Variants in HSPD1 observed in about 807,000 individuals in gnomAD.
HSPD1 encodes heat shock protein family D (Hsp60) member 1, also known as 60 kDa heat shock protein, mitochondrial.
Under a neutral mutation model 53.0 loss-of-function variants are expected in HSPD1, and 3 were observed. That is an observed-to-expected ratio of 0.06 (90% confidence interval 0.03 to 0.15). HSPD1 has a LOEUF of 0.15. Among genes scored for constraint, HSPD1 ranks in the 10% least tolerant of loss-of-function variants. The pLI, the probability that HSPD1 is intolerant of heterozygous loss-of-function variation, is 1.00. For synonymous variants in HSPD1, 200 were observed against 228.0 expected, an observed-to-expected ratio of 0.88 and a Z score of 1.10; for missense variants, 431 against 694.1, an observed-to-expected ratio of 0.62 and a Z score of 4.26.
At position 197,487,138 on chromosome 2, in the gene HSPD1, C is replaced by G. The variant is rs755339378; in HGVS notation, c.1630G>C (p.Val544Leu). ...TCTTTAGGAATTTCTGTGACTACAA[C>G]TTCTGCTGTAGTTAACAGAGAGGCC... The part of the protein sequence containing the change: ...GVASLLTTAE[V>L]VVTEIPKEEK... Residue 544 changes from valine (V) to leucine (L), a missense_variant, in exon 12 of 12, where the codon GTT (valine) becomes CTT (leucine). By Grantham distance (32) the Val-to-Leu change is conservative (BLOSUM62 1). Around this residue, in one of 2 missense-constraint regions of HSPD1, gnomAD observed 386 missense variants for 657.6 expected, o/e 0.59. Coordinates refer to ENST00000388968, the MANE Select transcript of HSPD1 (RefSeq NM_002156.5). 6.2e-7 allele frequency: 1 copy of G among 1,604,010 alleles called. No homozygotes were observed. The highest frequency in any genetic ancestry group is 8.5e-7 in the Non-Finnish European group (1 of 1,170,970).
rs768371703 is a variant in HSPD1, at chr2:197,487,218, A to G, written c.1570-20T>C. 50 of 1,609,822 alleles carry G rather than the reference A, an allele frequency of 3.1e-5. No individual in the cohort carries two copies. The highest frequency in any genetic ancestry group is 4.1e-5 in the Non-Finnish European group (48 of 1,176,346). On this transcript the variant is annotated intron_variant, in intron 11 of 11. Coordinates refer to ENST00000388968, the MANE Select transcript of HSPD1 (RefSeq NM_002156.5). The stretch of plus-strand genomic sequence containing the variant: ...CACAACCTAGAAAAAAATTTAATTA[A>G]TTAGTTTTCCCTTAGTAAAATATGA...
At chr2:197,492,709 TA>T (rs2086109499) in intron 7 of HSPD1, among the ~76,000 whole-genome samples, 1 of 145,260 alleles carries the variant, frequency 6.9e-6, no homozygotes, top group African/African-American at 2.6e-5. Context: ...AAAATAAAAA[TA>T]AAAAATAAAA....
intron 3 of HSPD1, chr2:197,496,805 G>A (rs1000601756): frequency 8.5e-6 from 3 of 354,042 alleles, no homozygotes; most frequent in East Asian, 6.6e-5. Flanking sequence ...ATGGTGGTGA[G>A]TGCCTGTAGT....
chr2:197,487,301 C>A, intron 11 of HSPD1, 103 bp from the exon 12 acceptor site: 1 of 1,006,582 alleles, frequency 9.9e-7, no homozygotes. Flanking sequence ...TAATCCAGCA[C>A]TTTGGGAGGC....
intron 8 of HSPD1, 77 bp from the exon 9 acceptor site, chr2:197,489,324 C>A: frequency 7.3e-7 from 1 of 1,374,270 alleles, no homozygotes; most frequent in Non-Finnish European, 1.0e-6. Flanking sequence ...ATACACCATG[C>A]AAGAGAATCA....
At chr2:197,488,965 A>G in intron 9 of HSPD1, 37 bp downstream of exon 9, 1 of 1,609,786 alleles carries the variant, frequency 6.2e-7, no homozygotes, top group Non-Finnish European at 8.5e-7. Context: ...TCTTGGACTC[A>G]GAACCCAAGA....
intron 7 of HSPD1, among the ~76,000 whole-genome samples, chr2:197,491,816 T>C (rs2086096219): frequency 1.3e-5 from 2 of 152,226 alleles, no homozygotes; most frequent in African/African-American, 4.8e-5. Flanking sequence ...TACTTCAGAC[T>C]ATTTAGTAAA....
intron 3 of HSPD1, among the ~76,000 whole-genome samples, chr2:197,496,053 C>A (rs1459452352): frequency 2.0e-5 from 3 of 152,272 alleles, no homozygotes; most frequent in African/African-American, 7.2e-5. Flanking sequence ...GGCTAACACT[C>A]CCTTATTTTC....
At chr2:197,489,291 C>T (rs199877481) in intron 8 of HSPD1, 44 bp from the exon 9 acceptor site, 106 of 1,607,276 alleles carry the variant, frequency 6.6e-5, no homozygotes, top group Middle Eastern at 1.6e-4. Flanking sequence ...GTTACAGTTT[C>T]TGCCATTATA....
upstream of HSPD1, chr2:197,499,997 A>T: frequency 6.4e-6 from 1 of 156,206 alleles, no homozygotes. Context: ...GCCCCTCCCT[A>T]CCCGCGCAGG....
rs376512780 is a variant in HSPD1, at chr2:197,488,502, A to G, written c.1216-11T>C. 25 of 1,612,206 alleles carry G rather than the reference A, an allele frequency of 1.6e-5. No individual in the cohort carries two copies. In the African/African-American group the frequency reaches 3.1e-4, roughly 20 times the overall value. ...ACTTGTCCCACCAACCTAAAGACGAAAAGAATTCCAGTTAGTATGGCCTCT... is the reference window on the plus strand; with the variant it reads ...ACTTGTCCCACCAACCTAAAGACGAGAAGAATTCCAGTTAGTATGGCCTCT... On this transcript the variant is annotated splice_polypyrimidine_tract_variant and intron_variant, in intron 9 of 11. Coordinates refer to ENST00000388968, the MANE Select transcript of HSPD1 (RefSeq NM_002156.5).
At chr2:197,491,730 G>A (rs967287087) in intron 7 of HSPD1, among the ~76,000 whole-genome samples, 1 of 152,180 alleles carries the variant, frequency 6.6e-6, no homozygotes, top group Non-Finnish European at 1.5e-5. Context: ...TAAACTAATA[G>A]TAAACTATAG....
At chr2:197,490,346 C>T in intron 7 of HSPD1, 50 bp from the exon 8 acceptor site, 1 of 1,341,828 alleles carries the variant, frequency 7.5e-7, no homozygotes, top group East Asian at 2.3e-5. Context: ...AAATGCCTAT[C>T]TGTTTAATTC....
At chr2:197,487,514 C>CAG (rs2086041002) in intron 11 of HSPD1, among the ~76,000 whole-genome samples, 1 of 152,226 alleles carries the variant, frequency 6.6e-6, no homozygotes, top group Admixed American at 6.5e-5. Context: ...GCCTGGGCGA[C>CAG]ACAGCGACTC....
intron 8 of HSPD1, 25 bp downstream of exon 8, chr2:197,490,172 C>A: frequency 6.9e-7 from 1 of 1,450,360 alleles, no homozygotes; most frequent in Non-Finnish European, 9.7e-7. Context: ...ATTCAGCAAA[C>A]CATTATCACA....
intron 7 of HSPD1, among the ~76,000 whole-genome samples, chr2:197,491,874 C>T (rs944859315): frequency 6.6e-6 from 1 of 152,198 alleles, no homozygotes; most frequent in African/African-American, 2.4e-5. Flanking sequence ...GGTAGTGGCT[C>T]ATGCCTGTAA....
Position 197,486,657 on chromosome 2 carries a change from T to A in HSPD1, c.*389A>T, listed in dbSNP as rs1314525794. The stretch of plus-strand genomic sequence containing the variant: ...TACTTCTCTACTTTGTACACAATTA[T>A]TCTCACTCTCCACAGAAAGGCTGCT... On this transcript the variant is annotated 3_prime_UTR_variant, in exon 12 of 12. Transcript: ENST00000388968. The A allele has an allele frequency of 3.6e-6, 1 of 278,052 alleles. No homozygotes were observed. The highest frequency in any genetic ancestry group is 7.1e-6 in the Non-Finnish European group (1 of 141,702). 17.2% of individuals were successfully genotyped at this position (278,052 alleles called of 1,614,324 possible).
In HSPD1 at chr2:197,489,175, C is replaced by G; in HGVS notation, c.1042G>C (p.Val348Leu). The change falls in exon 9 of 12, where the codon GTC becomes CTC. Residue 348 changes from valine to leucine, a missense_variant. Transcript: ENST00000388968. ...ATGGCATCGTCTTTGGTCACAATGA[C>G]CTCTCCAACTTTTCCTAAGTCATGA... ...QPHDLGKVGE[V>L]IVTKDDAMLL... is the part of the protein sequence containing the mutation. 6.2e-7 allele frequency: 1 copy of G among 1,614,108 alleles called. No homozygotes were observed. The highest frequency in any genetic ancestry group is 1.1e-5 in the South Asian group (1 of 91,080).
intron 7 of HSPD1, chr2:197,490,690 TGTG>T (rs1187159753): frequency 4.0e-6 from 1 of 251,530 alleles, no homozygotes; most frequent in Non-Finnish European, 7.8e-6. Context: ...ATCAGCCAAA[TGTG>T]GTAGCAGGCA....
Sources: allele counts gnomAD v4.1 joint callset (sites outside exome capture counted in the v4.1 genomes callset), GRCh38; gene constraint gnomAD v4.1.1; regional missense constraint gnomAD v4.1.1; transcripts MANE v1.5; gene names NCBI Gene and HGNC (gene_info 2026-07-23, HGNC 2026-07-21).